VTCN1: variants seen among roughly 807,000 people sequenced by gnomAD.
The protein encoded by VTCN1 is V-set domain-containing T-cell activation inhibitor 1.
VTCN1 carries 26 observed loss-of-function variants against 26.5 expected under a neutral mutation model. That is an observed-to-expected ratio of 0.98 (90% CI 0.72 to 1.36). The LOEUF (loss-of-function observed/expected upper bound fraction) is 1.36, where lower values mean the gene tolerates loss of function less well. Ranked by LOEUF, VTCN1 falls within the 40% of genes most tolerant of loss-of-function variation. The probability of loss-of-function intolerance (pLI) is 0.00; values close to 1 mark genes in which losing one functional copy is unlikely to be tolerated. For synonymous variants in VTCN1, 116 were observed against 130.7 expected, an observed-to-expected ratio of 0.89 and a Z score of 0.77; for missense variants, 298 against 337.7, an observed-to-expected ratio of 0.88 and a Z score of 0.92.
At chr1:117,164,049 CAGCTGGGTGGTA>C (rs1652494165) in intron 2 of VTCN1, among the ~76,000 whole-genome samples, 1 of 152,128 alleles carries the variant, frequency 6.6e-6, no homozygotes, top group Non-Finnish European at 1.5e-5. Context: ...TGAACCCCAA[CAGCTGGGTGGTA>C]AGCCAAGGCC....
chr1:117,162,747 C>G (rs867302), intron 2 of VTCN1, among the ~76,000 whole-genome samples: 1 of 152,048 alleles, frequency 6.6e-6, no homozygotes, highest in South Asian at 2.1e-4. Flanking sequence ...AGGGGCAAGA[C>G]GAAACCTGAG....
chr1:117,150,763 A>C (rs1472856772), intron 4 of VTCN1, among the ~76,000 whole-genome samples: 1 of 152,208 alleles, frequency 6.6e-6, no homozygotes, highest in African/African-American at 2.4e-5. Context: ...CATTAAACAA[A>C]AACCTTTCTC....
chr1:117,173,412 A>ACC, intron 1 of VTCN1: 1 of 437,290 alleles, frequency 2.3e-6, no homozygotes, highest in Non-Finnish European at 4.1e-6. Flanking sequence ...AGATGAAAGC[A>ACC]GAGATCTACA....
intron 1 of VTCN1, chr1:117,203,677 C>T (rs1304948762): frequency 1.0e-6 from 1 of 985,246 alleles, no homozygotes; most frequent in Admixed American, 6.2e-5. Flanking sequence ...GGCTCTTTAG[C>T]ACATTTCTTA....
intron 1 of VTCN1, among the ~76,000 whole-genome samples, chr1:117,171,894 C>A (rs1652935152): frequency 6.6e-6 from 1 of 152,148 alleles, no homozygotes; most frequent in South Asian, 2.1e-4. Flanking sequence ...TAGGAGCTCA[C>A]CGATGGGGCG....
intron 1 of VTCN1, among the ~76,000 whole-genome samples, chr1:117,182,780 G>A (rs1647735429): frequency 6.6e-6 from 1 of 152,138 alleles, no homozygotes; most frequent in African/African-American, 2.4e-5. Flanking sequence ...GGTCCAGCCT[G>A]ACTTCCAGGG....
rs185033383 is a variant in VTCN1 at position 117,203,426 on chromosome 1, T to C, written c.32+7398A>G. Among the ~76,000 whole-genome samples, 537 of 152,308 alleles carry C rather than the reference T, an allele frequency of 3.5e-3. 2 individuals are homozygous for C. The highest frequency in any genetic ancestry group is 5.8e-3 in the Non-Finnish European group (394 of 68,030). On this transcript the variant is annotated intron_variant, in intron 1 of 5. Coordinates refer to ENST00000369458, the MANE Select transcript of VTCN1 (RefSeq NM_024626.4). ...TCTCAAATCTTTCATGGTTTTTATC[T>C]ATGAAATTTTTCATTTTAAATTGCA...
At position 117,187,180 on chromosome 1, in the gene VTCN1, G is replaced by A. The variant is rs544974938; in HGVS notation, c.33-17009C>T. On this transcript the variant is annotated intron_variant, in intron 1 of 5. Transcript: ENST00000369458. ...ACAAAAATTAGTTAGGTGTGGTGGTGCGCACCTGCAGTCCCAGCTACTCGG... is the reference window on the plus strand; with the variant it reads ...ACAAAAATTAGTTAGGTGTGGTGGTACGCACCTGCAGTCCCAGCTACTCGG... Among the ~76,000 whole-genome samples the A allele has an allele frequency of 2.0e-5, 3 of 151,588 alleles. No individual in the cohort carries two copies. In the South Asian group the frequency reaches 6.3e-4, roughly 32 times the overall value.
At chr1:117,171,868 C>A (rs974653894) in intron 1 of VTCN1, among the ~76,000 whole-genome samples, 1 of 152,146 alleles carries the variant, frequency 6.6e-6, no homozygotes, top group African/African-American at 2.4e-5. Context: ...TCAACTCCCT[C>A]CAAGTGTACC....
In VTCN1 at chr1:117,183,711, G is replaced by A. The variant is rs1647784200; in HGVS notation, c.33-13540C>T. ...GAAAGGACATTGTAGGGAATGAAGA[G>A]TTAAATTTCCAGAATAGTGCATACT... is the stretch of plus-strand genomic sequence containing the variant. On this transcript the variant is annotated intron_variant, in intron 1 of 5. Transcript: ENST00000369458. This position sits in a 1 kb window ranked among gnomAD's most constrained non-coding sequence, Gnocchi z 4.1. Among the ~76,000 whole-genome samples, 1 of 152,074 alleles carries A rather than the reference G, an allele frequency of 6.6e-6. No homozygotes were observed. Among genetic ancestry groups the A allele is most frequent in the Admixed American group, 6.6e-5 (1 of 15,256 alleles).
At chr1:117,193,256 T>C (rs1470092264) in intron 1 of VTCN1, among the ~76,000 whole-genome samples, 2 of 152,096 alleles carry the variant, frequency 1.3e-5, no homozygotes, top group Non-Finnish European at 1.5e-5. Context: ...TACTTACCTA[T>C]CAATAACTAC....
In VTCN1 at chr1:117,161,128, A is replaced by G. The variant is rs530474987; in HGVS notation, c.98-4207T>C. On this transcript the variant is annotated intron_variant, in intron 2 of 5. Transcript: ENST00000369458. The surrounding 1 kb of genome is among the most constrained non-coding windows in gnomAD (Gnocchi z 4.3). The stretch of plus-strand genomic sequence containing the variant: ...GACAAAATGAAGTTTTTGCTGTGTA[A>G]TAAGAACACAACACACCTCCATTCC... Among the ~76,000 whole-genome samples the G allele has an allele frequency of 6.6e-6, 1 of 152,316 alleles. No individual in the cohort carries two copies. Among genetic ancestry groups the G allele is most frequent in the South Asian group, 2.1e-4 (1 of 4,830 alleles).
chr1:117,186,234 T>C (rs1647936367), intron 1 of VTCN1, among the ~76,000 whole-genome samples: 1 of 152,240 alleles, frequency 6.6e-6, no homozygotes, highest in South Asian at 2.1e-4. Context: ...TTCTGGAATA[T>C]GTCAATGGTT....
intron 1 of VTCN1, among the ~76,000 whole-genome samples, chr1:117,186,953 G>T (rs1342062173): frequency 1.1e-4 from 16 of 152,052 alleles, no homozygotes. Context: ...TTTTACAGGT[G>T]GCTGCTAAGA....
At chr1:117,201,961 T>C (rs956960861) in intron 1 of VTCN1, among the ~76,000 whole-genome samples, 1 of 152,180 alleles carries the variant, frequency 6.6e-6, no homozygotes, top group Non-Finnish European at 1.5e-5. Flanking sequence ...TCTAACTCTC[T>C]CCTGCCTCAG....
chr1:117,170,819 T>C (rs1652869604), intron 1 of VTCN1, among the ~76,000 whole-genome samples: 1 of 152,348 alleles, frequency 6.6e-6, no homozygotes, highest in Admixed American at 6.5e-5. Flanking sequence ...CCACTGTGTT[T>C]TGATATAATC....
chr1:117,160,182 T>C (rs958663537), intron 2 of VTCN1, among the ~76,000 whole-genome samples: 1 of 152,016 alleles, frequency 6.6e-6, no homozygotes, highest in Non-Finnish European at 1.5e-5. Flanking sequence ...GAGAGAAAAA[T>C]GGAAAGAGTC....
Position 117,185,579 on chromosome 1 carries a change from A to C in VTCN1, c.33-15408T>G, listed in dbSNP as rs114466633. Among the ~76,000 whole-genome samples the C allele has an allele frequency of 5.0e-3, 768 of 152,258 alleles. 6 individuals carry two copies. Among genetic ancestry groups the C allele is most frequent in the African/African-American group, 0.018 (734 of 41,550 alleles). On this transcript the variant is annotated intron_variant, in intron 1 of 5. Coordinates refer to ENST00000369458, the MANE Select transcript of VTCN1 (RefSeq NM_024626.4). ...AAGCAGAGGGGGTCAGACATGCCCC[A>C]TTATATCCTCCTCTCTTTTAGAATT...
rs1424067377 is a variant in VTCN1 at position 117,167,159 on chromosome 1, C to T, written c.97+2948G>A. The stretch of plus-strand genomic sequence containing the variant: ...ATATATACATACATGACATTATATG[C>T]ATTTTATGTTTTTATATATACATTT... On this transcript the variant is annotated intron_variant, in intron 2 of 5. Coordinates refer to ENST00000369458, the MANE Select transcript of VTCN1 (RefSeq NM_024626.4). The surrounding 1 kb of genome is among the most constrained non-coding windows in gnomAD (Gnocchi z 4.1). Among the ~76,000 whole-genome samples, 1 of 151,442 alleles carries T rather than the reference C, an allele frequency of 6.6e-6. No individual in the cohort carries two copies. The highest frequency in any genetic ancestry group is 1.9e-4 in the East Asian group (1 of 5,178).
Sources: allele counts gnomAD v4.1 joint callset (sites outside exome capture counted in the v4.1 genomes callset), GRCh38; gene constraint gnomAD v4.1.1; non-coding constraint Gnocchi (gnomAD v3.1); transcripts MANE v1.5; gene names NCBI Gene and HGNC (gene_info 2026-07-23, HGNC 2026-07-21).